The following UPF3A variants were observed in gnomAD, a reference collection of about 807,000 sequenced individuals.
The protein encoded by UPF3A is regulator of nonsense transcripts 3A.
In UPF3A, 42 loss-of-function variants were observed where a neutral mutation model predicts 53.5. The ratio of observed to expected loss-of-function variants is 0.78; its 90% CI spans 0.61 to 1.01. The LOEUF (loss-of-function observed/expected upper bound fraction) is 1.01. UPF3A is among the 50% of genes least tolerant of loss of function. The probability of loss-of-function intolerance (pLI) is 0.00; values close to 1 mark genes in which losing one functional copy is unlikely to be tolerated. For synonymous variants in UPF3A, 237 were observed against 225.3 expected (o/e 1.05, Z -0.47); for missense variants, 575 against 598.0 (o/e 0.96, Z 0.40).
Position 114,286,584 on chromosome 13 carries a change from G to A in UPF3A, c.586G>A (p.Glu196Lys), listed in dbSNP as rs970739195. The A allele has an allele frequency of 6.2e-7, 1 of 1,613,986 alleles. No individual in the cohort carries two copies. The highest frequency in any genetic ancestry group is 1.3e-5 in the African/African-American group (1 of 75,032). The change falls in exon 5 of 10, where the codon GAG becomes AAG. Residue 196 changes from glutamate to lysine, a missense_variant. This residue lies in a region of UPF3A where 323 missense variants were observed against 415.2 expected (regional missense o/e 0.78). Coordinates refer to ENST00000375299, the MANE Select transcript of UPF3A (RefSeq NM_023011.4). ...VEEEKTSANP[E>K]TLLGEMEAKT... The stretch of plus-strand genomic sequence containing the variant: ...GGAAGAGAAGACCAGTGCCAACCCT[G>A]AGACTCTGCTGGGGGAGATGGAGGC...
chr13:114,299,136 T>A, intron 8 of UPF3A, 136 bp downstream of exon 8: 2 of 829,750 alleles, frequency 2.4e-6, no homozygotes. Flanking sequence ...ACGTTAGCCT[T>A]CATTTCCCAT....
Position 114,303,327 on chromosome 13 carries a change from C to T in UPF3A, c.1302+1302C>T, listed in dbSNP as rs556165542. Among the ~76,000 whole-genome samples, 23 of 152,158 alleles carry T rather than the reference C, an allele frequency of 1.5e-4. 2 individuals carry two copies. The South Asian group carries it at 4.8e-3, about 32-fold the overall frequency. On this transcript the variant is annotated intron_variant, in intron 9 of 9. Coordinates refer to ENST00000375299, the MANE Select transcript of UPF3A (RefSeq NM_023011.4). Reference sequence around the variant, plus strand: ...GTGAATGGCCTGGTGTTTCCCCCGACCTGAGGTGGGGGAGCATTTGCTCCT... The same window carrying T: ...GTGAATGGCCTGGTGTTTCCCCCGATCTGAGGTGGGGGAGCATTTGCTCCT...
intron 7 of UPF3A, among the ~76,000 whole-genome samples, chr13:114,296,800 C>CG (rs2086079868): frequency 6.6e-6 from 1 of 151,922 alleles, no homozygotes; most frequent in Non-Finnish European, 1.5e-5. Flanking sequence ...CAGCTGGTGT[C>CG]GGAGGGGTGG....
In UPF3A at chr13:114,301,907, A is replaced by C. The variant is rs777934829; in HGVS notation, c.1184A>C (p.Asp395Ala). Residue 395 changes from aspartate (D) to alanine (A), a missense_variant, in exon 9 of 10, where the codon GAC becomes GCC. Asp to Ala is a moderately radical substitution (Grantham distance 126). Around this residue, in one of 2 missense-constraint regions of UPF3A, gnomAD observed 323 missense variants for 415.2 expected, o/e 0.78. Transcript: ENST00000375299. ...AGATGGGGGAAAGGACCTGGCCAAG[A>C]CAGAGGGAAGAAGGGGAGCCAGGAC... ...EQRWGKGPGQDRGKKGSQDSG... is the reference protein window; with the variant it reads ...EQRWGKGPGQARGKKGSQDSG... 1.9e-5 allele frequency: 31 copies of C among 1,610,020 alleles called. No homozygotes were observed. Among genetic ancestry groups the C allele is most frequent in the Non-Finnish European group, 2.6e-5 (31 of 1,178,328 alleles).
intron 7 of UPF3A, among the ~76,000 whole-genome samples, chr13:114,294,165 A>G (rs953100075): frequency 1.3e-5 from 2 of 152,100 alleles, no homozygotes; most frequent in Non-Finnish European, 2.9e-5. Context: ...AATTCTTTTA[A>G]TGCCTGAAAA....
intron 5 of UPF3A, chr13:114,286,861 T>A: frequency 1.9e-6 from 1 of 517,228 alleles, no homozygotes; most frequent in South Asian, 2.3e-5. Flanking sequence ...AAGATCATTT[T>A]AAGTTATGAT....
chr13:114,286,885 C>T (rs559474201), intron 5 of UPF3A: 113 of 449,938 alleles, frequency 2.5e-4, no homozygotes, highest in African/African-American at 1.9e-3. Flanking sequence ...TCCGAATGAG[C>T]AGTGCAGAAG....
At chr13:114,292,785 C>T (rs564597966) in intron 7 of UPF3A, among the ~76,000 whole-genome samples, 2 of 152,272 alleles carry the variant, frequency 1.3e-5, no homozygotes, top group East Asian at 3.9e-4. Flanking sequence ...CTCCCATTCT[C>T]CACCCTCTAC....
In UPF3A at chr13:114,298,954, G is replaced by A. The variant is rs761811674; in HGVS notation, c.961G>A (p.Val321Ile). 2.2e-5 allele frequency: 35 copies of A among 1,610,006 alleles called. No homozygotes were observed. The East Asian group carries it at 4.0e-4, about 19-fold the overall frequency. Residue 321 changes from valine (V) to isoleucine (I), a missense_variant, in exon 8 of 10, where the codon GTA becomes ATA. Val to Ile is a conservative substitution (Grantham distance 29). Around this residue, in one of 2 missense-constraint regions of UPF3A, gnomAD observed 323 missense variants for 415.2 expected, o/e 0.78. Coordinates refer to ENST00000375299, the MANE Select transcript of UPF3A (RefSeq NM_023011.4). ...KQESCAPGAVVKARPMEGSLE... is the reference protein window; with the variant it reads ...KQESCAPGAVIKARPMEGSLE... ...GGAATCCTGTGCCCCCGGTGCAGTC[G>A]TAAAAGCCAGGCCCATGGAAGGCTC... is the stretch of plus-strand genomic sequence containing the variant.
In UPF3A at chr13:114,305,049, G is replaced by A. The variant is rs878907485; in HGVS notation, c.*132G>A. 1.4e-5 allele frequency: 17 copies of A among 1,218,582 alleles called. 1 individual carries two copies. In the East Asian group the frequency reaches 1.6e-4, roughly 11 times the overall value. 75.5% of individuals were successfully genotyped at this position (1,218,582 alleles called of 1,614,324 possible). A position where few individuals can be genotyped will look rare whatever the true frequency, so the allele number is the denominator to read the frequency against. ...GGAAGCTAAAAATACAGAGGGTGAC[G>A]TAGAAACACGCAGAAACCATTCTAA... is the stretch of plus-strand genomic sequence containing the variant. On this transcript the variant is annotated 3_prime_UTR_variant, in exon 10 of 10. Coordinates refer to ENST00000375299, the MANE Select transcript of UPF3A (RefSeq NM_023011.4).
intron 1 of UPF3A, 54 bp from the exon 2 acceptor site, chr13:114,281,967 T>C: frequency 6.7e-7 from 1 of 1,498,620 alleles, no homozygotes; most frequent in Non-Finnish European, 9.0e-7. Flanking sequence ...CGGTGCCTTT[T>C]GAGCTCCTTG....
intron 3 of UPF3A, chr13:114,285,090 C>T (rs1401147148): frequency 1.3e-5 from 2 of 152,216 alleles, no homozygotes; most frequent in East Asian, 1.9e-4. Flanking sequence ...TAGGTTTGAT[C>T]CATATCGAGT....
intron 5 of UPF3A, chr13:114,287,236 C>G (rs2139180843): frequency 6.5e-6 from 1 of 152,818 alleles, no homozygotes; most frequent in East Asian, 1.9e-4. Context: ...CCCAGACACA[C>G]CTGGTAGTGT....
At chr13:114,296,622 G>A (rs376406261) in intron 7 of UPF3A, among the ~76,000 whole-genome samples, 15 of 152,202 alleles carry the variant, frequency 9.9e-5, no homozygotes, top group African/African-American at 2.2e-4. Flanking sequence ...AGAGGCCATC[G>A]GGAACCCCTG....
chr13:114,284,102 A>G (rs1278983366), intron 3 of UPF3A: 1 of 984,010 alleles, frequency 1.0e-6, no homozygotes. Flanking sequence ...AGTGGCTCAC[A>G]CCTGTAATCC....
chr13:114,290,472 C>A (rs1042752248), intron 5 of UPF3A, among the ~76,000 whole-genome samples: 3 of 152,186 alleles, frequency 2.0e-5, no homozygotes, highest in Non-Finnish European at 4.4e-5. Context: ...ACAGAGTAGA[C>A]CCCGTCTTCC....
Position 114,299,963 on chromosome 13 carries a change from C to T in UPF3A, c.1007+963C>T, listed in dbSNP as rs2086443721. Among the ~76,000 whole-genome samples the T allele has an allele frequency of 2.0e-5, 3 of 152,188 alleles. No homozygotes were observed. In the South Asian group the frequency reaches 6.2e-4, roughly 31 times the overall value. On this transcript the variant is annotated intron_variant, in intron 8 of 9. Coordinates refer to ENST00000375299, the MANE Select transcript of UPF3A (RefSeq NM_023011.4). ...AGTTGATGAAGTATTTTTTCTACTT[C>T]TTGGGAGTTTTGGTTTATTGCTTTG...
At chr13:114,282,767 GAA>G in intron 2 of UPF3A, 68 bp from the exon 3 acceptor site, 1 of 1,554,950 alleles carries the variant, frequency 6.4e-7, no homozygotes, top group Non-Finnish European at 8.7e-7. Flanking sequence ...CCCAGAAAAG[GAA>G]AAAGAGGCTA....
At chr13:114,299,028 C>T (rs368615697) in intron 8 of UPF3A, 28 bp downstream of exon 8, 57 of 1,555,984 alleles carry the variant, frequency 3.7e-5, no homozygotes, top group East Asian at 2.5e-4. Context: ...GTTATGACCA[C>T]GTCAGCTCCC....
Sources: allele counts gnomAD v4.1 joint callset (sites outside exome capture counted in the v4.1 genomes callset), GRCh38; gene constraint gnomAD v4.1.1; regional missense constraint gnomAD v4.1.1; transcripts MANE v1.5; gene names NCBI Gene and HGNC (gene_info 2026-07-23, HGNC 2026-07-21).